CBLC: variants seen among roughly 807,000 people sequenced by gnomAD.
The protein encoded by CBLC is Cbl proto-oncogene C, also known as E3 ubiquitin-protein ligase CBL-C.
CBLC carries 46 observed loss-of-function variants against 58.6 expected under a neutral mutation model. That is an observed-to-expected ratio of 0.79 (90% CI 0.62 to 1.00). The LOEUF (loss-of-function observed/expected upper bound fraction) is 1.00. CBLC is among the 50% of genes least tolerant of loss of function. The pLI, the probability that CBLC is intolerant of heterozygous loss-of-function variation, is 0.00. For synonymous variants in CBLC, 271 were observed against 264.2 expected (o/e 1.03, Z -0.25); for missense variants, 655 against 625.8 (o/e 1.05, Z -0.50).
At position 44,777,897 on chromosome 19, in the gene CBLC, C is replaced by A; in HGVS notation, c.-35C>A. ...CTGGGCGAGGCCGCCCCTATCCCAG[C>A]CGCACCGGTCCTTCCCGGCACACGC... is the stretch of plus-strand genomic sequence containing the variant. On this transcript the variant is annotated 5_prime_UTR_variant, in exon 1 of 11. Transcript: ENST00000647358. 1 of 1,491,038 alleles carries A rather than the reference C, an allele frequency of 6.7e-7. No homozygotes were observed. The highest frequency in any genetic ancestry group is 1.3e-5 in the South Asian group (1 of 76,214). The allele number at this position is 1,491,038 out of a possible 1,614,324, so 92.4% of individuals were successfully genotyped here.
intron 9 of CBLC, among the ~76,000 whole-genome samples, chr19:44,794,553 C>G: frequency 6.6e-6 from 1 of 150,632 alleles, no homozygotes; most frequent in South Asian, 2.1e-4. Context: ...CAACCTCCAC[C>G]TCCCGGGTTC....
chr19:44,794,588 C>T (rs1968142511), intron 9 of CBLC, among the ~76,000 whole-genome samples: 1 of 151,392 alleles, frequency 6.6e-6, no homozygotes, highest in South Asian at 2.1e-4. Flanking sequence ...CCTCAGCCTC[C>T]TGAGTAGCTG....
intron 5 of CBLC, among the ~76,000 whole-genome samples, chr19:44,787,394 A>AAAAAAT (rs200775434): frequency 5.3e-5 from 8 of 151,948 alleles, no homozygotes; most frequent in African/African-American, 9.7e-5. Flanking sequence ...ACTCTGTCTC[A>AAAAAAT]AAAAATAAAA....
intron 4 of CBLC, 109 bp downstream of exon 4, chr19:44,782,600 AC>A: frequency 1.2e-6 from 1 of 851,340 alleles, no homozygotes; most frequent in Non-Finnish European, 1.8e-6. Context: ...GAACAGAGGT[AC>A]CCAGGACCCC....
chr19:44,793,525 G>A lies in CBLC; in HGVS notation c.1189G>A (p.Glu397Lys), dbSNP rs1192911372. Residue 397 changes from glutamate (E) to lysine (K), a missense_variant, in exon 8 of 11, where the codon GAG becomes AAG. Physicochemically the swap from Glu to Lys is moderately conservative, Grantham distance 56 (BLOSUM62 1). Coordinates refer to ENST00000647358, the MANE Select transcript of CBLC (RefSeq NM_012116.4). ...CTGCCGCTGCGAGATCAAGGGCTGG[G>A]AGGCCGTGAGTATCTACCAGTTCCA... ...PFCRCEIKGW[E>K]AVSIYQFHGQ... The A allele has an allele frequency of 1.2e-6, 2 of 1,613,020 alleles. No homozygotes were observed. Among genetic ancestry groups the A allele is most frequent in the African/African-American group, 2.7e-5 (2 of 74,922 alleles).
At chr19:44,797,644 A>C (rs1386092551) in intron 9 of CBLC, among the ~76,000 whole-genome samples, 2 of 143,912 alleles carry the variant, frequency 1.4e-5, no homozygotes, top group East Asian at 2.1e-4. Context: ...AATCCCAGCT[A>C]CTCAGGAGGC....
Position 44,787,041 on chromosome 19 carries a change from C to T in CBLC, c.917+2640C>T, listed in dbSNP as rs190337024. On this transcript the variant is annotated intron_variant, in intron 5 of 10. Coordinates refer to ENST00000647358, the MANE Select transcript of CBLC (RefSeq NM_012116.4). The stretch of plus-strand genomic sequence containing the variant: ...TTGAGGCTGCAGTGAGCCAAGATCA[C>T]GCCTCTGCATTCCAGCTTGGGTGAC... 2.7e-3 allele frequency among the ~76,000 whole-genome samples: 412 copies of T among 152,228 alleles called. 2 individuals are homozygous for T. Among genetic ancestry groups the T allele is most frequent in the African/African-American group, 9.3e-3 (387 of 41,534 alleles).
chr19:44,782,745 G>A (rs969928905), intron 4 of CBLC, among the ~76,000 whole-genome samples: 3 of 152,164 alleles, frequency 2.0e-5, no homozygotes, highest in Non-Finnish European at 4.4e-5. Flanking sequence ...CCAAAGACCC[G>A]CTTGAGGGTA....
chr19:44,791,234 A>G (rs1332044317), intron 6 of CBLC, among the ~76,000 whole-genome samples: 1 of 150,018 alleles, frequency 6.7e-6, no homozygotes, highest in East Asian at 2.0e-4. Flanking sequence ...TGAGCCTGGG[A>G]GTTGGCGGTT....
Position 44,778,169 on chromosome 19 carries a change from C to T in CBLC, c.238C>T (p.Leu80=). ...GGGTCCCGGCGGCTCTGGGGACTTT[C>T]TACTCATCTACCTGGCCAATCTGGA... is the stretch of plus-strand genomic sequence containing the variant. ...PGGPGGSGDF[L]LIYLANLEAK... Residue 80 remains leucine (L), a synonymous_variant, in exon 1 of 11, where the codon CTA becomes TTA. Coordinates refer to ENST00000647358, the MANE Select transcript of CBLC (RefSeq NM_012116.4). 6.4e-7 allele frequency: 1 copy of T among 1,556,010 alleles called. No homozygotes were observed.
chr19:44,779,712 A>AGCAGGAATG (rs1967671019), intron 1 of CBLC, among the ~76,000 whole-genome samples: 2 of 151,456 alleles, frequency 1.3e-5, no homozygotes, highest in Admixed American at 1.3e-4. Flanking sequence ...CCACCATGCC[A>AGCAGGAATG]GACTAATCTT....
chr19:44,795,965 C>T (rs771551911), intron 9 of CBLC, among the ~76,000 whole-genome samples: 16 of 152,258 alleles, frequency 1.1e-4, no homozygotes, highest in Non-Finnish European at 2.1e-4. Flanking sequence ...CCTGTAATCC[C>T]AACATTTTGG....
chr19:44,782,121 G>A (rs1967764383), intron 3 of CBLC, among the ~76,000 whole-genome samples: 1 of 146,414 alleles, frequency 6.8e-6, no homozygotes, highest in Non-Finnish European at 1.5e-5. Flanking sequence ...GGGGGTGAGG[G>A]CCTGGACTCC....
rs201833346 is a variant in CBLC, at chr19:44,794,680, GT to G, written c.1362+400del. ...GAATTTCACCATGTTGATCAGGCTG[GT>G]CTAGAACTCCTGACTTCATTATCTG... On this transcript the variant is annotated intron_variant, in intron 9 of 10. Coordinates refer to ENST00000647358, the MANE Select transcript of CBLC (RefSeq NM_012116.4). Among the ~76,000 whole-genome samples, 1,053 of 151,634 alleles carry G rather than the reference GT, an allele frequency of 6.9e-3. 10 individuals are homozygous for G. The highest frequency in any genetic ancestry group is 0.025 in the African/African-American group (1,015 of 41,324).
chr19:44,781,334 G>T lies in CBLC; in HGVS notation c.628G>T (p.Glu210Ter), dbSNP rs769807888. 1.2e-6 allele frequency: 2 copies of T among 1,611,552 alleles called. No homozygotes were observed. Among genetic ancestry groups the T allele is most frequent in the African/African-American group, 2.7e-5 (2 of 74,928 alleles). ...LTCSGHVSIFEFDVFTRLFQP... is the reference protein window; with the variant it reads ...LTCSGHVSIF ...CTGCAGCGGGCACGTGTCCATCTTC[G>T]AGTTCGACGTCTTCACCAGGCTCTT... is the stretch of plus-strand genomic sequence containing the variant. The change falls in exon 3 of 11, where the codon GAG becomes TAG. Residue 210 changes from glutamate to a stop codon, truncating the protein, a stop_gained. Transcript: ENST00000647358. LOFTEE classifies it high-confidence loss of function.
chr19:44,791,010 T>G (rs1380085797), intron 6 of CBLC, among the ~76,000 whole-genome samples: 1 of 151,108 alleles, frequency 6.6e-6, no homozygotes, highest in African/African-American at 2.4e-5. Context: ...GGCACTTGAG[T>G]TGGGAGGCTG....
chr19:44,787,257 A>G (rs563738189), intron 5 of CBLC, among the ~76,000 whole-genome samples: 2 of 151,140 alleles, frequency 1.3e-5, no homozygotes, highest in Admixed American at 6.6e-5. Context: ...AGCTGGGCGC[A>G]GTGGCGGGCG....
chr19:44,799,711 A>AGGGAGAGAAAGAAGGAGG (rs1968250371), intron 9 of CBLC, among the ~76,000 whole-genome samples: 1 of 150,624 alleles, frequency 6.6e-6, no homozygotes, highest in Non-Finnish European at 1.5e-5. Context: ...AGAGAAAGAA[A>AGGGAGAGAAAGAAGGAGG]GGGAGAGAAA....
In CBLC at chr19:44,787,042, G is replaced by A. The variant is rs139653078; in HGVS notation, c.917+2641G>A. Among the ~76,000 whole-genome samples the A allele has an allele frequency of 4.4e-3, 665 of 152,170 alleles. 7 individuals carry two copies. Among genetic ancestry groups the A allele is most frequent in the African/African-American group, 0.015 (622 of 41,524 alleles). On this transcript the variant is annotated intron_variant, in intron 5 of 10. Coordinates refer to ENST00000647358, the MANE Select transcript of CBLC (RefSeq NM_012116.4). ...TGAGGCTGCAGTGAGCCAAGATCAC[G>A]CCTCTGCATTCCAGCTTGGGTGACA...
Sources: gnomAD v4.1 joint callset for allele counts (sites outside exome capture counted in the v4.1 genomes callset) on GRCh38, gnomAD v4.1.1 for gene constraint, MANE v1.5 for transcripts, NCBI Gene and HGNC (gene_info 2026-07-23, HGNC 2026-07-21) for gene names.